Variants in ZIC1 observed in about 807,000 individuals in gnomAD.
ZIC1 encodes zinc finger protein ZIC 1.
ZIC1 carries 4 observed loss-of-function variants against 30.9 expected under a neutral mutation model. The ratio of observed to expected loss-of-function variants is 0.13; its 90% CI spans 0.06 to 0.30. ZIC1 has a LOEUF of 0.30. Among genes scored for constraint, ZIC1 ranks in the 10% least tolerant of loss-of-function variants. The probability of loss-of-function intolerance (pLI) is 1.00; values close to 1 mark genes in which losing one functional copy is unlikely to be tolerated. For synonymous variants in ZIC1, 305 were observed against 277.5 expected, an observed-to-expected ratio of 1.10 and a Z score of -0.98; for missense variants, 441 against 639.3, an observed-to-expected ratio of 0.69 and a Z score of 3.34.
rs1405652109 is a variant in ZIC1 at position 147,416,380 on chromosome 3, G to C, written c.*2829G>C. The stretch of plus-strand genomic sequence containing the variant: ...CATTTAAGAAGATAGTAAATGATGA[G>C]TTCATCTTTTCTTCGAACATTCCTA... On this transcript the variant is annotated 3_prime_UTR_variant, in exon 3 of 3. Transcript: ENST00000282928. 1 of 152,166 alleles carries C rather than the reference G, an allele frequency of 6.6e-6. No homozygotes were observed. The highest frequency in any genetic ancestry group is 1.5e-5 in the Non-Finnish European group (1 of 68,024). The allele number at this position is 152,166 out of a possible 1,614,324, so 9.4% of individuals were successfully genotyped here.
intron 2 of ZIC1, 117 bp downstream of exon 2, chr3:147,412,798 A>T: frequency 1.5e-6 from 2 of 1,337,934 alleles, no homozygotes; most frequent in Non-Finnish European, 1.0e-6. Context: ...GCGGGAAGGC[A>T]AAGGTTCCAC....
At chr3:147,413,260 G>C (rs893414914) in intron 2 of ZIC1, 94 bp from the exon 3 acceptor site, 2 of 1,359,288 alleles carry the variant, frequency 1.5e-6, no homozygotes, top group Non-Finnish European at 2.0e-6. Context: ...GGCTCCAAGG[G>C]GTCCAGGAGG....
In ZIC1 at chr3:147,414,627, A is replaced by C. The variant is rs2087417780; in HGVS notation, c.*1076A>C. 1 of 152,658 alleles carries C rather than the reference A, an allele frequency of 6.6e-6. No homozygotes were observed. The highest frequency in any genetic ancestry group is 2.1e-4 in the South Asian group (1 of 4,836). 9.5% of individuals were successfully genotyped at this position (152,658 alleles called of 1,614,324 possible). A position where few individuals can be genotyped will look rare whatever the true frequency, so the allele number is the denominator to read the frequency against. On this transcript the variant is annotated 3_prime_UTR_variant, in exon 3 of 3. Transcript: ENST00000282928. ...CTGCTGCCTCTTCTGCCAGTCTTAA[A>C]GGGTCTCCAGAAAAGCTCTCCAGTC...
rs770353879 is a variant in ZIC1, at chr3:147,413,371, G to A, written c.1164G>A (p.Ser388=). 1 of 1,613,292 alleles carries A rather than the reference G, an allele frequency of 6.2e-7. No homozygotes were observed. The highest frequency in any genetic ancestry group is 8.5e-7 in the Non-Finnish European group (1 of 1,179,506). ...TCCTGCAGGTCCACGAATCCTCCTC[G>A]CAGGGCTCGCAGCCTTCGCCGGCCG... ...RKHMKVHESS[S]QGSQPSPAAS... is the part of the protein sequence containing the mutation. The change falls in exon 3 of 3, where the codon TCG becomes TCA. Residue 388 remains serine (S), a synonymous_variant. Transcript: ENST00000282928.
At chr3:147,411,693 G>A (rs1202054906) in intron 1 of ZIC1, among the ~76,000 whole-genome samples, 2 of 152,108 alleles carry the variant, frequency 1.3e-5, no homozygotes, top group African/African-American at 4.8e-5. Context: ...TTTAAGAGTG[G>A]GTTTGAGGGG....
At chr3:147,413,132 C>T (rs2087396783) in intron 2 of ZIC1, among the ~76,000 whole-genome samples, 1 of 152,138 alleles carries the variant, frequency 6.6e-6, no homozygotes, top group South Asian at 2.1e-4. Flanking sequence ...CTTCCCAGAC[C>T]TATTTTTCTT....
chr3:147,410,951 G>C lies in ZIC1; in HGVS notation c.839G>C (p.Gly280Ala). The change falls in exon 1 of 3, where the codon GGC (glycine) becomes GCC (alanine). Residue 280 changes from glycine to alanine, a missense_variant. By Grantham distance (60) the Gly-to-Ala change is moderately conservative. Around this residue, in one of 5 missense-constraint regions of ZIC1, gnomAD observed 33 missense variants for 66.5 expected, o/e 0.50. Transcript: ENST00000282928. ...TTCTGGGAGGAGTGTCCGCGCGAGG[G>C]CAAGCCCTTCAAAGCCAAATACAAA... ...ICFWEECPRE[G>A]KPFKAKYKLV... is the part of the protein sequence containing the mutation. 1 of 1,614,280 alleles carries C rather than the reference G, an allele frequency of 6.2e-7. No homozygotes were observed. The highest frequency in any genetic ancestry group is 8.5e-7 in the Non-Finnish European group (1 of 1,180,056).
rs1258279513 is a variant in ZIC1, at chr3:147,409,886, G to A, written c.-227G>A. 2.7e-5 allele frequency: 14 copies of A among 523,812 alleles called. No individual in the cohort carries two copies. The highest frequency in any genetic ancestry group is 8.0e-5 in the Admixed American group (2 of 25,008). The allele number at this position is 523,812 out of a possible 1,614,324, so 32.4% of individuals were successfully genotyped here. A position where few individuals can be genotyped will look rare whatever the true frequency, so the allele number is the denominator to read the frequency against. Reference sequence around the variant, plus strand: ...GGCGCTGGAGCCTGCGTTACTCGCGGCCCGCAGCCGTCCGGCTACTTTGCG... The same window carrying A: ...GGCGCTGGAGCCTGCGTTACTCGCGACCCGCAGCCGTCCGGCTACTTTGCG... On this transcript the variant is annotated 5_prime_UTR_variant, in exon 1 of 3. Transcript: ENST00000282928.
Position 147,410,263 on chromosome 3 carries a change from C to T in ZIC1, c.151C>T (p.Pro51Ser), listed in dbSNP as rs2087356416. The change falls in exon 1 of 3, where the codon CCC (proline) becomes TCC (serine). Residue 51 changes from proline to serine, a missense_variant. By Grantham distance (74) the Pro-to-Ser change is moderately conservative. Around this residue, in one of 5 missense-constraint regions of ZIC1, gnomAD observed 307 missense variants for 355.3 expected, o/e 0.86. Coordinates refer to ENST00000282928, the MANE Select transcript of ZIC1 (RefSeq NM_003412.4). ...ADGMGAFKLN[P>S]SSHELASAGQ... ...CGGCATGGGCGCCTTCAAGCTCAAC[C>T]CCAGTTCGCACGAGCTGGCTTCGGC... 1.9e-6 allele frequency: 3 copies of T among 1,600,952 alleles called. No individual in the cohort carries two copies. Among genetic ancestry groups the T allele is most frequent in the Admixed American group, 3.3e-5 (2 of 60,012 alleles).
At position 147,413,517 on chromosome 3, in the gene ZIC1, C is replaced by A. The variant is rs373965585; in HGVS notation, c.1310C>A (p.Ala437Glu). The A allele has an allele frequency of 6.2e-7, 1 of 1,614,100 alleles. No homozygotes were observed. The highest frequency in any genetic ancestry group is 8.5e-7 in the Non-Finnish European group (1 of 1,180,016). Residue 437 changes from alanine (A) to glutamate (E), a missense_variant, in exon 3 of 3, where the codon GCG becomes GAG. Physicochemically the swap from Ala to Glu is moderately radical, Grantham distance 107 (BLOSUM62 -1). Transcript: ENST00000282928. ...SAVHHTAGHS[A>E]LSSNFNEWYV ...GTCCACCACACAGCCGGCCACAGTG[C>A]GCTCTCTTCCAATTTTAACGAATGG... is the stretch of plus-strand genomic sequence containing the variant.
chr3:147,413,323 T>C, intron 2 of ZIC1, 31 bp from the exon 3 acceptor site: 2 of 1,603,940 alleles, frequency 1.2e-6, no homozygotes, highest in Non-Finnish European at 1.7e-6. Context: ...TGGCTCTTTA[T>C]GTCCGTAAAA....
intron 2 of ZIC1, 43 bp from the exon 3 acceptor site, chr3:147,413,311 A>G: frequency 1.9e-6 from 3 of 1,586,424 alleles, no homozygotes; most frequent in Non-Finnish European, 2.6e-6. Context: ...CGGCCGCCGC[A>G]CTGGCTCTTT....
Position 147,414,773 on chromosome 3 carries a change from G to T in ZIC1, c.*1222G>T, listed in dbSNP as rs1483722860. On this transcript the variant is annotated 3_prime_UTR_variant, in exon 3 of 3. Transcript: ENST00000282928. ...ATCAAAATTTATGAAACAAATTTTC[G>T]GCCGCAGTATAATTTAAATGACCTT... is the stretch of plus-strand genomic sequence containing the variant. 1 of 152,352 alleles carries T rather than the reference G, an allele frequency of 6.6e-6. No individual in the cohort carries two copies. Among genetic ancestry groups the T allele is most frequent in the Non-Finnish European group, 1.5e-5 (1 of 67,998 alleles). 9.4% of individuals were successfully genotyped at this position (152,352 alleles called of 1,614,324 possible).
chr3:147,410,675 A>T lies in ZIC1; in HGVS notation c.563A>T (p.His188Leu). 6.2e-7 allele frequency: 1 copy of T among 1,613,872 alleles called. No homozygotes were observed. ...CAGGTGACCAGCCCGCGTTCGGAGC[A>T]CTATGCTGCGCCGCAGCTGCACGGC... ...YGQVTSPRSE[H>L]YAAPQLHGYG... The change falls in exon 1 of 3, where the codon CAC becomes CTC. Residue 188 changes from histidine (H) to leucine (L), a missense_variant. By Grantham distance (99) the His-to-Leu change is moderately conservative. Around this residue, in one of 5 missense-constraint regions of ZIC1, gnomAD observed 307 missense variants for 355.3 expected, o/e 0.86. Transcript: ENST00000282928.
Position 147,410,484 on chromosome 3 carries a change from G to A in ZIC1, c.372G>A (p.Ser124=). Residue 124 remains serine (S), a synonymous_variant, in exon 1 of 3, where the codon TCG becomes TCA. Coordinates refer to ENST00000282928, the MANE Select transcript of ZIC1 (RefSeq NM_003412.4). ...CACAGCACAGCCTCTTTGCTGCATC[G>A]GCCGGGGGCTTCGGGGGCCCACACG... ...ASAQHSLFAA[S]AGGFGGPHGH... is the part of the protein sequence containing the mutation. 3 of 1,606,362 alleles carry A rather than the reference G, an allele frequency of 1.9e-6. No homozygotes were observed. Among genetic ancestry groups the A allele is most frequent in the East Asian group, 2.2e-5 (1 of 44,802 alleles).
In ZIC1 at chr3:147,410,257, C is replaced by G; in HGVS notation, c.145C>G (p.Leu49Val). ...PFADGMGAFK[L>V]NPSSHELASA... The stretch of plus-strand genomic sequence containing the variant: ...CGCCGACGGCATGGGCGCCTTCAAG[C>G]TCAACCCCAGTTCGCACGAGCTGGC... Residue 49 changes from leucine to valine, a missense_variant, in exon 1 of 3, where the codon CTC (leucine) becomes GTC (valine). By Grantham distance (32) the Leu-to-Val change is conservative (BLOSUM62 1). Transcript: ENST00000282928. 2 of 1,601,098 alleles carry G rather than the reference C, an allele frequency of 1.2e-6. No individual in the cohort carries two copies. The highest frequency in any genetic ancestry group is 1.7e-6 in the Non-Finnish European group (2 of 1,179,704).
intron 1 of ZIC1, among the ~76,000 whole-genome samples, chr3:147,412,182 A>C (rs973892333): frequency 2.0e-5 from 3 of 152,144 alleles, no homozygotes; most frequent in African/African-American, 7.2e-5. Flanking sequence ...ACTAGAAACC[A>C]GGAGCCAGGT....
In ZIC1 at chr3:147,414,006, C is replaced by G. The variant is rs924611975; in HGVS notation, c.*455C>G. 17 of 99,788 alleles carry G rather than the reference C, an allele frequency of 1.7e-4. No individual in the cohort carries two copies. The highest frequency in any genetic ancestry group is 6.5e-4 in the African/African-American group (16 of 24,474). 6.2% of individuals were successfully genotyped at this position (99,788 alleles called of 1,614,324 possible). A position where few individuals can be genotyped will look rare whatever the true frequency, so the allele number is the denominator to read the frequency against. On this transcript the variant is annotated 3_prime_UTR_variant, in exon 3 of 3. Coordinates refer to ENST00000282928, the MANE Select transcript of ZIC1 (RefSeq NM_003412.4). ...GTGGGTGGGATTGTGGCGTTGTGGT[C>G]TTTGCATTGGGGGAGGGGGGAGGGA...
chr3:147,414,215 A>G lies in ZIC1; in HGVS notation c.*664A>G, dbSNP rs1156290525. 1 of 152,592 alleles carries G rather than the reference A, an allele frequency of 6.6e-6. No individual in the cohort carries two copies. Among genetic ancestry groups the G allele is most frequent in the Non-Finnish European group, 1.5e-5 (1 of 68,032 alleles). 9.5% of individuals were successfully genotyped at this position (152,592 alleles called of 1,614,324 possible). On this transcript the variant is annotated 3_prime_UTR_variant, in exon 3 of 3. Transcript: ENST00000282928. ...AATGTGCTTTTTTTGTATAAAGTGCAAACATTTCGTCCCAAAGTCTAAGTA... is the reference window on the plus strand; with the variant it reads ...AATGTGCTTTTTTTGTATAAAGTGCGAACATTTCGTCCCAAAGTCTAAGTA...
Sources: gnomAD v4.1 joint callset for allele counts (sites outside exome capture counted in the v4.1 genomes callset) on GRCh38, gnomAD v4.1.1 for gene constraint, gnomAD v4.1.1 regional missense constraint, MANE v1.5 for transcripts, NCBI Gene and HGNC (gene_info 2026-07-23, HGNC 2026-07-21) for gene names.